SEL1L2: variants seen among roughly 807,000 people sequenced by gnomAD.
SEL1L2 encodes protein sel-1 homolog 2.
In SEL1L2, 89 loss-of-function variants were observed where a neutral mutation model predicts 98.8. That is an observed-to-expected ratio of 0.90 (90% confidence interval 0.76 to 1.07). SEL1L2 has a LOEUF of 1.07. Ranked by LOEUF, SEL1L2 falls within the 50% of genes least tolerant of loss-of-function variation. The pLI, the probability that SEL1L2 is intolerant of heterozygous loss-of-function variation, is 0.00. For missense variants in SEL1L2, 788 were observed against 812.0 expected (o/e 0.97, Z 0.36); for synonymous variants, 262 against 278.5 (o/e 0.94, Z 0.59).
chr20:13,889,249 G>T (rs2047100809), intron 5 of SEL1L2, among the ~76,000 whole-genome samples: 1 of 151,700 alleles, frequency 6.6e-6, no homozygotes, highest in African/African-American at 2.4e-5. Context: ...GCCTCCCAAA[G>T]TGCTGGGATT....
chr20:13,934,684 C>G (rs1188370640), intron 2 of SEL1L2, among the ~76,000 whole-genome samples: 1 of 151,130 alleles, frequency 6.6e-6, no homozygotes, highest in African/African-American at 2.4e-5. Flanking sequence ...TTTAAGGAAT[C>G]TTCACACTGT....
chr20:13,927,157 T>C (rs1568984631), intron 3 of SEL1L2, among the ~76,000 whole-genome samples: 1 of 152,236 alleles, frequency 6.6e-6, no homozygotes, highest in African/African-American at 2.4e-5. Flanking sequence ...AAGCATCATG[T>C]TCAACTATAA....
chr20:13,976,078 T>C (rs904350658), intron 1 of SEL1L2, among the ~76,000 whole-genome samples: 4 of 152,138 alleles, frequency 2.6e-5, no homozygotes, highest in African/African-American at 9.7e-5. Flanking sequence ...CTCTGCTCAC[T>C]GCAACCTTTG....
chr20:13,899,525 C>T (rs1247489930), intron 5 of SEL1L2, among the ~76,000 whole-genome samples: 1 of 152,144 alleles, frequency 6.6e-6, no homozygotes, highest in East Asian at 1.9e-4. Flanking sequence ...CAGAAATCAA[C>T]AAGAAAGTCA....
intron 12 of SEL1L2, among the ~76,000 whole-genome samples, chr20:13,872,158 G>C (rs1021364296): frequency 1.3e-5 from 2 of 152,184 alleles, no homozygotes; most frequent in Non-Finnish European, 2.9e-5. Context: ...GTGGTTCTGG[G>C]AGTCTTGAGT....
chr20:13,935,725 G>A (rs896820359), intron 2 of SEL1L2, among the ~76,000 whole-genome samples: 2 of 152,160 alleles, frequency 1.3e-5, no homozygotes, highest in African/African-American at 4.8e-5. Flanking sequence ...GCCCTATGGA[G>A]GGTTCTGAGC....
intron 1 of SEL1L2, among the ~76,000 whole-genome samples, chr20:13,962,539 C>T (rs866308785): frequency 1.3e-5 from 2 of 152,050 alleles, no homozygotes; most frequent in Non-Finnish European, 2.9e-5. Context: ...AAAAGCCACC[C>T]AATCAACACA....
At chr20:13,902,493 G>A (rs2047725612) in intron 5 of SEL1L2, among the ~76,000 whole-genome samples, 1 of 152,130 alleles carries the variant, frequency 6.6e-6, no homozygotes, top group Non-Finnish European at 1.5e-5. Flanking sequence ...AGATGTTTCA[G>A]TCCATTGCGA....
Position 13,849,305 on chromosome 20 carries a change from A to G in SEL1L2, c.*180T>C, listed in dbSNP as rs538638115. ...CAGCATCCCGCAAAGGGTTTTCTCT[A>G]CTAAGCAGGAAGTCTGAAGTTGTTT... On this transcript the variant is annotated 3_prime_UTR_variant, in exon 20 of 20. Transcript: ENST00000284951. The G allele has an allele frequency of 2.0e-5, 14 of 689,920 alleles. No homozygotes were observed. In the Admixed American group the frequency reaches 4.4e-4, roughly 22 times the overall value. The allele number at this position is 689,920 out of a possible 1,614,324, so 42.7% of individuals were successfully genotyped here. A position where few individuals can be genotyped will look rare whatever the true frequency, so the allele number is the denominator to read the frequency against.
chr20:13,884,677 T>A (rs2046869253), intron 10 of SEL1L2, among the ~76,000 whole-genome samples: 1 of 151,682 alleles, frequency 6.6e-6, no homozygotes, highest in African/African-American at 2.4e-5. Context: ...CCGGCTAATT[T>A]TTTGTAATTT....
intron 5 of SEL1L2, among the ~76,000 whole-genome samples, chr20:13,905,007 A>C (rs1355487349): frequency 6.6e-6 from 1 of 152,092 alleles, no homozygotes; most frequent in Admixed American, 6.5e-5. Context: ...GGGTTGTGTG[A>C]GAGTTGTATT....
chr20:13,869,519 T>C lies in SEL1L2; in HGVS notation c.1239A>G (p.Leu413=), dbSNP rs182163534. The stretch of plus-strand genomic sequence containing the variant: ...GGCACTTACAGTAGTACATGAAGCC[T>C]AACTGGAACTGTGCGTCGGGCCACC... ...EKGWPDAQFQ[L]GFMYYSGSGI... is the part of the protein sequence containing the mutation. Residue 413 remains leucine (L), a synonymous_variant, in exon 14 of 20, where the codon TTA becomes TTG. Coordinates refer to ENST00000284951, the MANE Select transcript of SEL1L2 (RefSeq NM_025229.2). The C allele has an allele frequency of 1.9e-6, 3 of 1,613,920 alleles. No individual in the cohort carries two copies. Among genetic ancestry groups the C allele is most frequent in the African/African-American group, 1.3e-5 (1 of 75,060 alleles).
chr20:13,964,056 C>G (rs1176404893), intron 1 of SEL1L2, among the ~76,000 whole-genome samples: 3 of 151,478 alleles, frequency 2.0e-5, no homozygotes, highest in Admixed American at 2.0e-4. Flanking sequence ...TTGTATTTTT[C>G]TTACAGATGG....
At chr20:13,955,100 C>T (rs1421805910) in intron 2 of SEL1L2, among the ~76,000 whole-genome samples, 2 of 152,174 alleles carry the variant, frequency 1.3e-5, no homozygotes, top group East Asian at 1.9e-4. Context: ...CTGCTATGTA[C>T]CAGGCACTGT....
At chr20:13,857,383 AACT>A (rs1439989231) in intron 18 of SEL1L2, among the ~76,000 whole-genome samples, 1 of 152,226 alleles carries the variant, frequency 6.6e-6, no homozygotes, top group African/African-American at 2.4e-5. Flanking sequence ...GTGTCTCAAC[AACT>A]ACTATTTGAC....
intron 5 of SEL1L2, among the ~76,000 whole-genome samples, chr20:13,909,764 G>A (rs1462032400): frequency 6.6e-6 from 1 of 152,136 alleles, no homozygotes; most frequent in Non-Finnish European, 1.5e-5. Context: ...TCAGGAGCTT[G>A]AGACCAGCCT....
At chr20:13,929,664 C>A (rs1202210943) in intron 3 of SEL1L2, among the ~76,000 whole-genome samples, 1 of 151,434 alleles carries the variant, frequency 6.6e-6, no homozygotes, top group African/African-American at 2.4e-5. Context: ...CCACACCCTG[C>A]TAATTTTTTG....
intron 3 of SEL1L2, among the ~76,000 whole-genome samples, chr20:13,931,309 C>T (rs1167131765): frequency 2.0e-5 from 3 of 151,808 alleles, no homozygotes; most frequent in East Asian, 2.0e-4. Context: ...GGATTACAGG[C>T]GTGAGCCACC....
intron 1 of SEL1L2, among the ~76,000 whole-genome samples, chr20:13,956,700 C>CTA (rs1172106322): frequency 6.6e-6 from 1 of 151,702 alleles, no homozygotes; most frequent in East Asian, 1.9e-4. Flanking sequence ...TTTATAAAGA[C>CTA]TATATATATA....
Sources: allele counts gnomAD v4.1 joint callset (sites outside exome capture counted in the v4.1 genomes callset), GRCh38; gene constraint gnomAD v4.1.1; transcripts MANE v1.5; gene names NCBI Gene and HGNC (gene_info 2026-07-23, HGNC 2026-07-21).